C10orf67: variants seen among roughly 807,000 people sequenced by gnomAD.
C10orf67 encodes the protein chromosome 10 open reading frame 67.
C10orf67 carries 60 observed loss-of-function variants against 35.6 expected under a neutral mutation model. The ratio of observed to expected loss-of-function variants is 1.68; its 90% CI spans 1.37 to 2.09. The LOEUF is 2.09. Among genes scored for constraint, C10orf67 ranks in the 30% most tolerant of loss-of-function variants. The pLI is 0.00. For synonymous variants in C10orf67, 167 were observed against 115.8 expected, an observed-to-expected ratio of 1.44 and a Z score of -2.84; for missense variants, 474 against 330.2, an observed-to-expected ratio of 1.44 and a Z score of -3.38.
At chr10:23,265,502 A>G (rs1357851396) in intron 10 of C10orf67, among the ~76,000 whole-genome samples, 1 of 152,220 alleles carries the variant, frequency 6.6e-6, no homozygotes, top group Non-Finnish European at 1.5e-5. Flanking sequence ...TGTGTCACCA[A>G]TTGGGTTCTA....
intron 8 of C10orf67, among the ~76,000 whole-genome samples, chr10:23,280,734 C>T (rs528031386): frequency 6.6e-6 from 1 of 152,198 alleles, no homozygotes; most frequent in African/African-American, 2.4e-5. Context: ...ACAATAGCAC[C>T]CGTTAAAGGC....
At chr10:23,211,032 C>T (rs776563041) in intron 15 of C10orf67, among the ~76,000 whole-genome samples, 10 of 152,134 alleles carry the variant, frequency 6.6e-5, no homozygotes, top group Non-Finnish European at 1.2e-4. Flanking sequence ...CTTGTATTTG[C>T]TTGCTAGAGC....
At chr10:23,254,752 T>C (rs1842555489) in intron 10 of C10orf67, among the ~76,000 whole-genome samples, 1 of 152,122 alleles carries the variant, frequency 6.6e-6, no homozygotes, top group African/African-American at 2.4e-5. Context: ...TTATGTTTAT[T>C]AACTGCCGTA....
intron 10 of C10orf67, among the ~76,000 whole-genome samples, chr10:23,260,444 A>T (rs932856867): frequency 1.3e-5 from 2 of 152,218 alleles, no homozygotes; most frequent in South Asian, 4.1e-4. Context: ...AAGCTCTAGA[A>T]ATGGCATAAA....
At chr10:23,330,431 C>G (rs537638031) in intron 2 of C10orf67, among the ~76,000 whole-genome samples, 1 of 152,074 alleles carries the variant, frequency 6.6e-6, no homozygotes, top group Admixed American at 6.6e-5. Flanking sequence ...CCACTGCAAT[C>G]CAGTCTACGT....
At chr10:23,247,741 A>C (rs2132152408) in intron 12 of C10orf67, among the ~76,000 whole-genome samples, 1 of 152,338 alleles carries the variant, frequency 6.6e-6, no homozygotes, top group Non-Finnish European at 1.5e-5. Flanking sequence ...TTTTATGACA[A>C]ATTGAATGTT....
At chr10:23,275,081 T>C (rs1309465636) in intron 8 of C10orf67, among the ~76,000 whole-genome samples, 1 of 152,132 alleles carries the variant, frequency 6.6e-6, no homozygotes, top group Non-Finnish European at 1.5e-5. Context: ...ATTGCTCCTA[T>C]AATTGTAGGG....
In C10orf67 at chr10:23,248,525, A is replaced by G. The variant is rs141502784; in HGVS notation, c.1346+1930T>C. On this transcript the variant is annotated intron_variant, in intron 12 of 15. Coordinates refer to ENST00000636213, the MANE Select transcript of C10orf67 (RefSeq NM_001371909.1). ...TAAATCATGAATTGACTGAGAAATC[A>G]TTGGATTGGACTCTGATCTTGACTG... Among the ~76,000 whole-genome samples the G allele has an allele frequency of 1.7e-4, 26 of 152,316 alleles. 2 individuals carry two copies. In the South Asian group the frequency reaches 3.1e-3, roughly 18 times the overall value.
intron 8 of C10orf67, among the ~76,000 whole-genome samples, chr10:23,270,071 T>C (rs1588635059): frequency 1.3e-5 from 2 of 152,068 alleles, no homozygotes; most frequent in Admixed American, 1.3e-4. Flanking sequence ...TGAAAGACTA[T>C]ATACTGGGGG....
At chr10:23,208,492 C>T (rs142080832) in intron 15 of C10orf67, among the ~76,000 whole-genome samples, 7 of 152,172 alleles carry the variant, frequency 4.6e-5, no homozygotes, top group African/African-American at 1.4e-4. Flanking sequence ...GGAGGCCCAC[C>T]TTACCTCATG....
intron 1 of C10orf67, among the ~76,000 whole-genome samples, chr10:23,336,982 G>C (rs1031005601): frequency 6.6e-6 from 1 of 152,136 alleles, no homozygotes; most frequent in African/African-American, 2.4e-5. Context: ...CTCAAAAGAT[G>C]ATGGGAAAAT....
intron 15 of C10orf67, among the ~76,000 whole-genome samples, chr10:23,206,584 T>C (rs1173138181): frequency 6.6e-6 from 1 of 152,216 alleles, no homozygotes; most frequent in East Asian, 1.9e-4. Flanking sequence ...TTAGGGTTGA[T>C]TAATTGAAAC....
intron 15 of C10orf67, among the ~76,000 whole-genome samples, chr10:23,223,187 C>T (rs904321943): frequency 2.6e-5 from 4 of 152,134 alleles, no homozygotes; most frequent in African/African-American, 9.6e-5. Context: ...TCAAGCAAAT[C>T]CTCAATCTCC....
chr10:23,224,145 C>A (rs1380094774), intron 13 of C10orf67, among the ~76,000 whole-genome samples: 2 of 152,216 alleles, frequency 1.3e-5, no homozygotes, highest in African/African-American at 4.8e-5. Flanking sequence ...GGCAGACTGA[C>A]ACCCCACATG....
chr10:23,334,444 G>A (rs906025073), intron 1 of C10orf67, among the ~76,000 whole-genome samples: 1 of 152,236 alleles, frequency 6.6e-6, no homozygotes, highest in Non-Finnish European at 1.5e-5. Context: ...CTCAGTGTAG[G>A]TGCCAAAGGC....
intron 4 of C10orf67, among the ~76,000 whole-genome samples, chr10:23,310,858 A>C (rs1412029766): frequency 6.6e-6 from 1 of 152,142 alleles, no homozygotes; most frequent in Non-Finnish European, 1.5e-5. Context: ...CCATTTCCAA[A>C]TTCAAGATCT....
At chr10:23,216,741 T>C (rs1008118857) in intron 15 of C10orf67, among the ~76,000 whole-genome samples, 3 of 152,170 alleles carry the variant, frequency 2.0e-5, no homozygotes, top group Admixed American at 6.5e-5. Flanking sequence ...TCCACCATCA[T>C]GGATATAATG....
intron 7 of C10orf67, among the ~76,000 whole-genome samples, chr10:23,284,825 G>T (rs1843485287): frequency 6.6e-6 from 1 of 152,160 alleles, no homozygotes; most frequent in Non-Finnish European, 1.5e-5. Flanking sequence ...ATGAAGCCAG[G>T]CATCTCTTCT....
At chr10:23,298,657 T>C (rs1843969015) in intron 5 of C10orf67, among the ~76,000 whole-genome samples, 1 of 152,198 alleles carries the variant, frequency 6.6e-6, no homozygotes, top group Non-Finnish European at 1.5e-5. Flanking sequence ...GATAAGCCAA[T>C]ATAGCCTGGA....
Sources: allele counts gnomAD v4.1 joint callset (sites outside exome capture counted in the v4.1 genomes callset), GRCh38; gene constraint gnomAD v4.1.1; transcripts MANE v1.5; gene names NCBI Gene and HGNC (gene_info 2026-07-23, HGNC 2026-07-21).